Variants in SCAPER observed in about 807,000 individuals in gnomAD.
The protein encoded by SCAPER is S phase cyclin A-associated protein in the endoplasmic reticulum.
A neutral mutation model predicts 182.2 loss-of-function variants in SCAPER; 98 were observed. That is an observed-to-expected ratio of 0.54 (90% CI 0.46 to 0.64). SCAPER has a LOEUF of 0.64. SCAPER is among the 30% of genes least tolerant of loss of function. SCAPER has a pLI of 0.00. For synonymous variants in SCAPER, 605 were observed against 564.6 expected (o/e 1.07, Z -1.01); for missense variants, 1,432 against 1,690.0 (o/e 0.85, Z 2.68).
At chr15:76,663,271 A>G (rs767162669) in intron 21 of SCAPER, among the ~76,000 whole-genome samples, 26 of 152,300 alleles carry the variant, frequency 1.7e-4, no homozygotes, top group Non-Finnish European at 3.1e-4. Context: ...AAATTTTAAA[A>G]ACTAGTAATA....
chr15:76,528,218 A>G (rs2043352572), intron 23 of SCAPER, among the ~76,000 whole-genome samples: 1 of 152,148 alleles, frequency 6.6e-6, no homozygotes, highest in African/African-American at 2.4e-5. Context: ...TAGTTTGCCA[A>G]CCTCTGCCTT....
At chr15:76,808,658 T>C (rs1428884255) in intron 5 of SCAPER, among the ~76,000 whole-genome samples, 1 of 152,160 alleles carries the variant, frequency 6.6e-6, no homozygotes, top group African/African-American at 2.4e-5. Context: ...TGCAGGAAAT[T>C]AGCAGTCTTC....
Position 76,604,542 on chromosome 15 carries a change from G to A in SCAPER, c.2711+17222C>T, listed in dbSNP as rs1295787830. Among the ~76,000 whole-genome samples the A allele has an allele frequency of 4.8e-5, 5 of 103,138 alleles. 2 individuals carry two copies. Among genetic ancestry groups the A allele is most frequent in the Admixed American group, 2.4e-4 (2 of 8,488 alleles). The allele number at this position is 103,138 out of a possible 152,430, so 67.7% of individuals were successfully genotyped here. A position where few individuals can be genotyped will look rare whatever the true frequency, so the allele number is the denominator to read the frequency against. ...TTGGTTCCATATGAACTTTAAAGTA[G>A]TTTTTTCTGATTCTGTGAAGAAAGT... On this transcript the variant is annotated intron_variant, in intron 22 of 31. Coordinates refer to ENST00000563290, the MANE Select transcript of SCAPER (RefSeq NM_020843.4).
In SCAPER at chr15:76,489,508, A is replaced by G. The variant is rs181280157; in HGVS notation, c.2954+15351T>C. 1.1e-3 allele frequency among the ~76,000 whole-genome samples: 171 copies of G among 151,946 alleles called. 2 individuals carry two copies. Among genetic ancestry groups the G allele is most frequent in the African/African-American group, 3.9e-3 (162 of 41,490 alleles). ...AGTTTTGCCTTCTTTAGAATGTCAT[A>G]TACATGGAATTGTGCCACATGTAGC... On this transcript the variant is annotated intron_variant, in intron 24 of 31. Coordinates refer to ENST00000563290, the MANE Select transcript of SCAPER (RefSeq NM_020843.4).
chr15:76,764,961 CCTTT>C lies in SCAPER; in HGVS notation c.1721_1724del (p.Glu574GlyfsTer13). 6.4e-7 allele frequency: 1 copy of C among 1,566,102 alleles called. No individual in the cohort carries two copies. Among genetic ancestry groups the C allele is most frequent in the Non-Finnish European group, 8.7e-7 (1 of 1,152,696 alleles). On this transcript the variant is annotated frameshift_variant and splice_region_variant, in exon 14 of 32. Transcript: ENST00000563290. LOFTEE classifies it high-confidence loss of function. ...AATTTCCTAAAAAATAAAAACTCAC[CCTTT>C]CTAACAATTTCTGAAGCTTCAATGT...
At chr15:76,534,260 C>G (rs749586409) in intron 23 of SCAPER, among the ~76,000 whole-genome samples, 11 of 152,160 alleles carry the variant, frequency 7.2e-5, no homozygotes, top group Non-Finnish European at 1.2e-4. Flanking sequence ...CAACTGACAT[C>G]ATGACTAGTG....
At chr15:76,675,775 C>T (rs2057333896) in intron 20 of SCAPER, among the ~76,000 whole-genome samples, 1 of 152,026 alleles carries the variant, frequency 6.6e-6, no homozygotes, top group Non-Finnish European at 1.5e-5. Flanking sequence ...TGTATTTGGG[C>T]ATGCAGCACT....
intron 4 of SCAPER, among the ~76,000 whole-genome samples, chr15:76,844,641 T>A (rs142856078): frequency 2.0e-5 from 3 of 152,116 alleles, no homozygotes; most frequent in Non-Finnish European, 4.4e-5. Context: ...CCAAGACACA[T>A]ACCACCTATC....
At chr15:76,733,900 T>G (rs1163292804) in intron 15 of SCAPER, among the ~76,000 whole-genome samples, 1 of 152,210 alleles carries the variant, frequency 6.6e-6, no homozygotes, top group East Asian at 1.9e-4. Context: ...TAATCCAGTG[T>G]GTATAAAAAA....
At chr15:76,792,104 G>A (rs1387200063) in intron 8 of SCAPER, among the ~76,000 whole-genome samples, 1 of 149,856 alleles carries the variant, frequency 6.7e-6, no homozygotes, top group Non-Finnish European at 1.5e-5. Flanking sequence ...GACTGTGAGT[G>A]ATGCTTAAAA....
chr15:76,888,379 A>G (rs1210323507), intron 1 of SCAPER, among the ~76,000 whole-genome samples: 14 of 152,280 alleles, frequency 9.2e-5, no homozygotes, highest in Admixed American at 8.5e-4. Context: ...ACTTCTCCAA[A>G]CTAAAGGAAC....
intron 24 of SCAPER, among the ~76,000 whole-genome samples, chr15:76,501,705 C>T (rs1452759215): frequency 2.0e-5 from 3 of 152,174 alleles, no homozygotes; most frequent in Non-Finnish European, 4.4e-5. Flanking sequence ...AGGCAGGAAA[C>T]AGCAAGGGCT....
At chr15:76,845,574 A>G (rs1485809190) in intron 4 of SCAPER, among the ~76,000 whole-genome samples, 3 of 152,116 alleles carry the variant, frequency 2.0e-5, no homozygotes, top group Non-Finnish European at 2.9e-5. Flanking sequence ...AACAGTGAAC[A>G]ATCTGAAAAA....
intron 16 of SCAPER, among the ~76,000 whole-genome samples, chr15:76,730,722 A>C (rs748790774): frequency 5.9e-5 from 9 of 152,172 alleles, no homozygotes; most frequent in Non-Finnish European, 1.2e-4. Flanking sequence ...TTTTCATTTC[A>C]TATTTTATTA....
At chr15:76,471,124 T>A in intron 25 of SCAPER, 88 bp downstream of exon 25, 3 of 1,032,174 alleles carry the variant, frequency 2.9e-6, no homozygotes, top group East Asian at 3.4e-5. Flanking sequence ...ATCTGGAGAG[T>A]AACTAAGTTG....
At chr15:76,776,432 T>A (rs377479479) in intron 8 of SCAPER, among the ~76,000 whole-genome samples, 5 of 151,982 alleles carry the variant, frequency 3.3e-5, no homozygotes, top group African/African-American at 1.2e-4. Context: ...CCAAGTAGCA[T>A]CAGTAGGGCC....
At chr15:76,865,969 C>A (rs1348160478) in intron 2 of SCAPER, among the ~76,000 whole-genome samples, 1 of 152,082 alleles carries the variant, frequency 6.6e-6, no homozygotes, top group African/African-American at 2.4e-5. Flanking sequence ...TGTAGATTTG[C>A]AAAAGTCACT....
chr15:76,821,589 A>G (rs2067556284), intron 5 of SCAPER, among the ~76,000 whole-genome samples: 1 of 151,778 alleles, frequency 6.6e-6, no homozygotes, highest in Non-Finnish European at 1.5e-5. Flanking sequence ...AAGCCACTAC[A>G]CTCCAGCCTG....
intron 5 of SCAPER, among the ~76,000 whole-genome samples, chr15:76,840,170 C>A (rs2069330173): frequency 6.6e-6 from 1 of 152,104 alleles, no homozygotes; most frequent in Non-Finnish European, 1.5e-5. Flanking sequence ...ATAATCCCAC[C>A]ACTTTGGAAT....
Sources: gnomAD v4.1 joint callset for allele counts (sites outside exome capture counted in the v4.1 genomes callset) on GRCh38, gnomAD v4.1.1 for gene constraint, MANE v1.5 for transcripts, NCBI Gene and HGNC (gene_info 2026-07-23, HGNC 2026-07-21) for gene names.